The following VEGFA variants were observed in gnomAD, a reference collection of about 807,000 sequenced individuals.
VEGFA encodes vascular endothelial growth factor A, long form.
VEGFA carries 20 observed loss-of-function variants against 49.7 expected under a neutral mutation model. The ratio of observed to expected loss-of-function variants is 0.40; its 90% CI spans 0.28 to 0.58. The LOEUF is 0.58. Among genes scored for constraint, VEGFA ranks in the 20% least tolerant of loss-of-function variants. The pLI, the probability that VEGFA is intolerant of heterozygous loss-of-function variation, is 0.40. For missense variants in VEGFA, 505 were observed against 553.5 expected, an observed-to-expected ratio of 0.91 and a Z score of 0.88; for synonymous variants, 219 against 223.4, an observed-to-expected ratio of 0.98 and a Z score of 0.18.
intron 5 of VEGFA, 161 bp from the exon 6 acceptor site, chr6:43,780,571 G>T: frequency 1.0e-6 from 1 of 966,298 alleles, no homozygotes; most frequent in Non-Finnish European, 1.6e-6. Flanking sequence ...GTGCGCCCGC[G>T]CATGCCTCCC....
Position 43,785,888 on chromosome 6 carries a change from A to G in VEGFA, c.*1326A>G, listed in dbSNP as rs1769369311. 1.6e-5 allele frequency: 3 copies of G among 185,242 alleles called. No homozygotes were observed. In the South Asian group the frequency reaches 5.9e-4, roughly 36 times the overall value. 11.5% of individuals were successfully genotyped at this position (185,242 alleles called of 1,614,324 possible). On this transcript the variant is annotated 3_prime_UTR_variant, in exon 8 of 8. Transcript: ENST00000672860. ...TATTCTTGGTTAATATTTAATTTCA[A>G]CTATTTATGAGATGTATCTTTTGCT...
In VEGFA at chr6:43,784,788, G is replaced by C; in HGVS notation, c.*226G>C. On this transcript the variant is annotated 3_prime_UTR_variant, in exon 8 of 8. Coordinates refer to ENST00000672860, the MANE Select transcript of VEGFA (RefSeq NM_003376.6). The stretch of plus-strand genomic sequence containing the variant: ...CTCCGGCGGAAGCATTCCCGGGCGG[G>C]TGACCCAGCACGGTCCCTCTTGGAA... 1.3e-6 allele frequency: 1 copy of C among 760,814 alleles called. No individual in the cohort carries two copies. The highest frequency in any genetic ancestry group is 2.3e-6 in the Non-Finnish European group (1 of 432,458). The allele number at this position is 760,814 out of a possible 1,614,324, so 47.1% of individuals were successfully genotyped here.
intron 1 of VEGFA, chr6:43,771,975 C>G: frequency 3.1e-6 from 3 of 982,814 alleles, no homozygotes; most frequent in Non-Finnish European, 3.6e-6. Context: ...GGCGCGGAGC[C>G]GATTACATCA....
At position 43,778,959 on chromosome 6, in the gene VEGFA, C is replaced by G. The variant is rs370181523; in HGVS notation, c.962+41C>G. The G allele has an allele frequency of 1.9e-6, 3 of 1,613,822 alleles. No homozygotes were observed. The Admixed American group carries it at 5.0e-5, about 27-fold the overall frequency. On this transcript the variant is annotated intron_variant, in intron 5 of 7. Coordinates refer to ENST00000672860, the MANE Select transcript of VEGFA (RefSeq NM_003376.6). ...TTTAGCACTTCTCCCTCTCCATGGC[C>G]GGTTGTCTTGGTTTGGGGCTCTTGG...
At position 43,784,785 on chromosome 6, in the gene VEGFA, C is replaced by A. The variant is rs937769907; in HGVS notation, c.*223C>A. On this transcript the variant is annotated 3_prime_UTR_variant, in exon 8 of 8. Transcript: ENST00000672860. ...AGACTCCGGCGGAAGCATTCCCGGG[C>A]GGGTGACCCAGCACGGTCCCTCTTG... 3.9e-6 allele frequency: 3 copies of A among 778,764 alleles called. No homozygotes were observed. The highest frequency in any genetic ancestry group is 6.7e-6 in the Non-Finnish European group (3 of 448,646). 48.2% of individuals were successfully genotyped at this position (778,764 alleles called of 1,614,324 possible).
chr6:43,784,593 G>A lies in VEGFA; in HGVS notation c.*31G>A, dbSNP rs2128063144. The A allele has an allele frequency of 6.2e-7, 1 of 1,614,224 alleles. No individual in the cohort carries two copies. Among genetic ancestry groups the A allele is most frequent in the Non-Finnish European group, 8.5e-7 (1 of 1,180,042 alleles). Reference sequence around the variant, plus strand: ...GCAGGAGGAAGGAGCCTCCCTCAGGGTTTCGGGAACCAGATCTCTCACCAG... The same window carrying A: ...GCAGGAGGAAGGAGCCTCCCTCAGGATTTCGGGAACCAGATCTCTCACCAG... On this transcript the variant is annotated 3_prime_UTR_variant, in exon 8 of 8. Coordinates refer to ENST00000672860, the MANE Select transcript of VEGFA (RefSeq NM_003376.6).
At chr6:43,779,553 C>T (rs1766647296) in intron 5 of VEGFA, 1 of 384,788 alleles carries the variant, frequency 2.6e-6, no homozygotes, top group Admixed American at 3.2e-5. Flanking sequence ...CGGCTGGCAT[C>T]AGCAAGAGCT....
At chr6:43,779,679 G>C (rs1353356588) in intron 5 of VEGFA, 1 of 468,774 alleles carries the variant, frequency 2.1e-6, no homozygotes, top group Non-Finnish European at 4.3e-6. Context: ...TCAACCCCTT[G>C]CCTCTTCCCT....
Position 43,770,606 on chromosome 6 carries a change from G to A in VEGFA, c.-101G>A. ...GAGAGAGCGCGCGGGCGTGCGAGCAGCGAAAGCGACAGGGGCAAAGTGAGT... is the reference window on the plus strand; with the variant it reads ...GAGAGAGCGCGCGGGCGTGCGAGCAACGAAAGCGACAGGGGCAAAGTGAGT... On this transcript the variant is annotated 5_prime_UTR_variant, in exon 1 of 8. Coordinates refer to ENST00000672860, the MANE Select transcript of VEGFA (RefSeq NM_003376.6). 3.5e-6 allele frequency: 5 copies of A among 1,432,686 alleles called. No individual in the cohort carries two copies. Among genetic ancestry groups the A allele is most frequent in the Non-Finnish European group, 4.5e-6 (5 of 1,099,934 alleles). 88.7% of individuals were successfully genotyped at this position (1,432,686 alleles called of 1,614,324 possible).
chr6:43,780,206 C>T (rs1378596917), intron 5 of VEGFA: 3 of 220,754 alleles, frequency 1.4e-5, no homozygotes, highest in Middle Eastern at 3.5e-3. Context: ...CCCAGAGGTT[C>T]TGTCGCAGTT....
intron 1 of VEGFA, chr6:43,774,134 C>T (rs1764519107): frequency 6.4e-6 from 4 of 621,004 alleles, no homozygotes; most frequent in Admixed American, 2.6e-5. Context: ...TTAACTTCCT[C>T]GGGTTCATAA....
At chr6:43,781,229 G>A in intron 6 of VEGFA, 1 of 374,160 alleles carries the variant, frequency 2.7e-6, no homozygotes, top group Admixed American at 4.0e-5. Context: ...GGCTGTGAAT[G>A]ACTGGAGGCA....
intron 1 of VEGFA, among the ~76,000 whole-genome samples, chr6:43,771,739 G>C (rs562254787): frequency 2.0e-5 from 3 of 152,298 alleles, no homozygotes; most frequent in South Asian, 4.1e-4. Context: ...CTTGGACCGC[G>C]GGAGGGCAGA....
At chr6:43,780,456 C>T (rs190508723) in intron 5 of VEGFA, 29 of 492,656 alleles carry the variant, frequency 5.9e-5, no homozygotes, top group South Asian at 4.1e-4. Context: ...CACCCAGTCT[C>T]GGCTTCCCAC....
chr6:43,780,859 A>C (rs1767388816), intron 6 of VEGFA, 56 bp downstream of exon 6: 2 of 1,613,012 alleles, frequency 1.2e-6, no homozygotes, highest in Admixed American at 1.7e-5. Context: ...CCCCCAGTAC[A>C]ACCTCCGCCT....
rs1259234032 is a variant in VEGFA at position 43,785,210 on chromosome 6, GA to G, written c.*649del. The G allele has an allele frequency of 3.6e-5, 7 of 193,448 alleles. No individual in the cohort carries two copies. Among genetic ancestry groups the G allele is most frequent in the Non-Finnish European group, 7.6e-5 (7 of 92,542 alleles). 12.0% of individuals were successfully genotyped at this position (193,448 alleles called of 1,614,324 possible). A position where few individuals can be genotyped will look rare whatever the true frequency, so the allele number is the denominator to read the frequency against. Reference sequence around the variant, plus strand: ...AAGGCCAGGGCATGGGGGCAAATATGACCCAGTTTTGGGAACACCGACAAAC... The same window carrying G: ...AAGGCCAGGGCATGGGGGCAAATATGCCCAGTTTTGGGAACACCGACAAAC... On this transcript the variant is annotated 3_prime_UTR_variant, in exon 8 of 8. Coordinates refer to ENST00000672860, the MANE Select transcript of VEGFA (RefSeq NM_003376.6).
In VEGFA at chr6:43,777,794, G is replaced by T; in HGVS notation, c.855+129G>T. 9.9e-7 allele frequency: 1 copy of T among 1,005,680 alleles called. No homozygotes were observed. The highest frequency in any genetic ancestry group is 1.5e-6 in the Non-Finnish European group (1 of 689,032). The allele number at this position is 1,005,680 out of a possible 1,614,324, so 62.3% of individuals were successfully genotyped here. A position where few individuals can be genotyped will look rare whatever the true frequency, so the allele number is the denominator to read the frequency against. On this transcript the variant is annotated intron_variant, in intron 3 of 7. Coordinates refer to ENST00000672860, the MANE Select transcript of VEGFA (RefSeq NM_003376.6). The surrounding 1 kb of genome is among the most constrained non-coding windows in gnomAD (Gnocchi z 4.3). ...GCTCCTGCCCCTGAGTTGCACAGGG[G>T]AGGTATGGTGGGGTCTTGCCTTCTG...
rs957591908 is a variant in VEGFA, at chr6:43,786,229, C to A, written c.*1667C>A. Reference sequence around the variant, plus strand: ...CTGTTTTTTATATGTAAAAACAAAACAAGAAAAAATAGAGAATTCTACATA... The same window carrying A: ...CTGTTTTTTATATGTAAAAACAAAAAAAGAAAAAATAGAGAATTCTACATA... On this transcript the variant is annotated 3_prime_UTR_variant, in exon 8 of 8. Coordinates refer to ENST00000672860, the MANE Select transcript of VEGFA (RefSeq NM_003376.6). The A allele has an allele frequency of 1.1e-5, 2 of 177,202 alleles. No homozygotes were observed. Among genetic ancestry groups the A allele is most frequent in the East Asian group, 9.8e-5 (1 of 10,228 alleles). The allele number at this position is 177,202 out of a possible 1,614,324, so 11.0% of individuals were successfully genotyped here. A position where few individuals can be genotyped will look rare whatever the true frequency, so the allele number is the denominator to read the frequency against.
At chr6:43,772,628 G>T (rs186278631) in intron 1 of VEGFA, among the ~76,000 whole-genome samples, 1 of 152,326 alleles carries the variant, frequency 6.6e-6, no homozygotes, top group Admixed American at 6.5e-5. Flanking sequence ...CAGCCCTGGA[G>T]CAGGTGTTTT....
Sources: allele counts gnomAD v4.1 joint callset (sites outside exome capture counted in the v4.1 genomes callset), GRCh38; gene constraint gnomAD v4.1.1; non-coding constraint Gnocchi (gnomAD v3.1); transcripts MANE v1.5; gene names NCBI Gene and HGNC (gene_info 2026-07-23, HGNC 2026-07-21).